The following FOXP2 variants were observed in gnomAD, a reference collection of about 807,000 sequenced individuals.
FOXP2 encodes forkhead box protein P2.
In FOXP2, 12 loss-of-function variants were observed where a neutral mutation model predicts 115.8. The observed-to-expected ratio is 0.10, with a 90% CI of 0.07 to 0.17. FOXP2 has a LOEUF of 0.17. FOXP2 is among the 10% of genes least tolerant of loss of function. FOXP2 has a pLI of 1.00. For missense variants in FOXP2, 629 were observed against 843.5 expected, an observed-to-expected ratio of 0.75 and a Z score of 3.15; for synonymous variants, 328 against 297.7, an observed-to-expected ratio of 1.10 and a Z score of -1.05.
chr7:114,678,441 C>G (rs1268787600), intron 16 of FOXP2, among the ~76,000 whole-genome samples: 5 of 151,208 alleles, frequency 3.3e-5, no homozygotes, highest in Non-Finnish European at 7.4e-5. Flanking sequence ...TAAAGTTTAC[C>G]AATTATTTGG....
At chr7:114,170,170 G>A (rs1464987626) in intron 1 of FOXP2, among the ~76,000 whole-genome samples, 1 of 152,146 alleles carries the variant, frequency 6.6e-6, no homozygotes, top group Non-Finnish European at 1.5e-5. Context: ...CTATTATGGT[G>A]AGCTGTGATC....
At chr7:114,143,849 A>G (rs56310761) in intron 1 of FOXP2, among the ~76,000 whole-genome samples, 21,317 of 151,734 alleles carry the variant, frequency 0.14, 1,976 homozygotes, top group East Asian at 0.39. Flanking sequence ...AAACCAAACT[A>G]TCTTAGAGTT....
chr7:114,681,427 T>C (rs1295805496), intron 16 of FOXP2, among the ~76,000 whole-genome samples: 2 of 152,184 alleles, frequency 1.3e-5, no homozygotes, highest in Non-Finnish European at 2.9e-5. Context: ...TTTTTCTAGC[T>C]ATATGTATAT....
At chr7:114,328,369 T>G (rs1797613439) in intron 2 of FOXP2, among the ~76,000 whole-genome samples, 1 of 151,756 alleles carries the variant, frequency 6.6e-6, no homozygotes, top group Admixed American at 6.6e-5. Flanking sequence ...CCCAAGTAGC[T>G]GGGACTACAG....
intron 2 of FOXP2, among the ~76,000 whole-genome samples, chr7:114,517,864 AT>A (rs1182727896): frequency 6.6e-6 from 1 of 152,108 alleles, no homozygotes; most frequent in Non-Finnish European, 1.5e-5. Flanking sequence ...TCCGTGAAAA[AT>A]ATCATTTGAA....
intron 2 of FOXP2, among the ~76,000 whole-genome samples, chr7:114,393,991 TGTGTGTGTGTGTGTGAGA>T (rs1467660528): frequency 7.1e-4 from 12 of 16,850 alleles, no homozygotes; most frequent in South Asian, 0.011. Context: ...AGTGTGTGTG[TGTGTGTGTGTGTGTGAGA>T]GAGAGAGAGA....
chr7:114,596,953 A>G (rs1377335467), intron 3 of FOXP2, among the ~76,000 whole-genome samples: 1 of 152,064 alleles, frequency 6.6e-6, no homozygotes, highest in African/African-American at 2.4e-5. Context: ...ATTGTACTGT[A>G]ATGTAATCAC....
At chr7:114,172,684 T>C (rs1793178976) in intron 1 of FOXP2, among the ~76,000 whole-genome samples, 2 of 151,988 alleles carry the variant, frequency 1.3e-5, no homozygotes, top group Admixed American at 1.3e-4. Context: ...AGTCTATTAA[T>C]TAAAAAAAGA....
At chr7:114,547,663 A>C (rs946439394) in intron 3 of FOXP2, among the ~76,000 whole-genome samples, 1 of 152,068 alleles carries the variant, frequency 6.6e-6, no homozygotes, top group Non-Finnish European at 1.5e-5. Flanking sequence ...GGAGGCTGAG[A>C]CAGGAGAATT....
intron 6 of FOXP2, among the ~76,000 whole-genome samples, chr7:114,641,415 A>G (rs1805521394): frequency 6.6e-6 from 1 of 152,180 alleles, no homozygotes; most frequent in South Asian, 2.1e-4. Context: ...ATTGTTTAAA[A>G]TGAGTAGTTG....
At chr7:114,382,611 G>C (rs1283781013) in intron 2 of FOXP2, among the ~76,000 whole-genome samples, 2 of 151,044 alleles carry the variant, frequency 1.3e-5, no homozygotes, top group African/African-American at 4.9e-5. Context: ...TTTTTATCCC[G>C]TTTGTCCCAT....
intron 1 of FOXP2, among the ~76,000 whole-genome samples, chr7:114,099,156 A>G (rs1357793130): frequency 6.6e-6 from 1 of 152,122 alleles, no homozygotes; most frequent in Non-Finnish European, 1.5e-5. Context: ...AAACAAACAG[A>G]AAAAAAGCAC....
intron 1 of FOXP2, among the ~76,000 whole-genome samples, chr7:114,112,139 G>A (rs1409892874): frequency 6.6e-6 from 1 of 151,944 alleles, no homozygotes; most frequent in Non-Finnish European, 1.5e-5. Context: ...GCTAGTAGAG[G>A]GGATTTTTGC....
intron 1 of FOXP2, among the ~76,000 whole-genome samples, chr7:114,170,497 G>A (rs1215243827): frequency 2.0e-5 from 3 of 152,172 alleles, no homozygotes; most frequent in South Asian, 2.1e-4. Context: ...AACATAGGCC[G>A]AAAGTTAGGC....
chr7:114,294,393 T>A (rs1796683892), intron 2 of FOXP2, among the ~76,000 whole-genome samples: 1 of 152,158 alleles, frequency 6.6e-6, no homozygotes, highest in Non-Finnish European at 1.5e-5. Context: ...GAGGTGTAAA[T>A]ACTAGAGTCA....
chr7:114,334,931 C>CTCTCTCTATATATATA (rs1554371352), intron 2 of FOXP2, among the ~76,000 whole-genome samples: 2 of 119,326 alleles, frequency 1.7e-5, no homozygotes, highest in South Asian at 5.7e-4. Context: ...ATATAGAAAT[C>CTCTCTCTATATATATA]TATATATATA....
intron 1 of FOXP2, among the ~76,000 whole-genome samples, chr7:114,262,366 G>A (rs534374417): frequency 2.6e-5 from 4 of 152,186 alleles, no homozygotes; most frequent in Admixed American, 2.0e-4. Flanking sequence ...GAGGCTTGGA[G>A]TGAGCTATGA....
At chr7:114,184,377 G>A (rs891413667) in intron 1 of FOXP2, among the ~76,000 whole-genome samples, 14 of 152,148 alleles carry the variant, frequency 9.2e-5, no homozygotes, top group African/African-American at 3.1e-4. Context: ...TTTCTATTCC[G>A]GAATTTCAGC....
At chr7:114,622,240 A>G (rs140746218) in intron 3 of FOXP2, among the ~76,000 whole-genome samples, 8 of 151,958 alleles carry the variant, frequency 5.3e-5, no homozygotes, top group African/African-American at 9.7e-5. Flanking sequence ...TGTAATTTTC[A>G]GGAGAAAAAA....
Sources: allele counts gnomAD v4.1 joint callset (sites outside exome capture counted in the v4.1 genomes callset), GRCh38; gene constraint gnomAD v4.1.1; transcripts MANE v1.5; gene names NCBI Gene and HGNC (gene_info 2026-07-23, HGNC 2026-07-21).